The following ARHGAP19 variants were observed in gnomAD, a reference collection of about 807,000 sequenced individuals.
The protein encoded by ARHGAP19 is rho GTPase-activating protein 19.
Under a neutral mutation model 60.9 loss-of-function variants are expected in ARHGAP19, and 48 were observed. The ratio of observed to expected loss-of-function variants is 0.79; its 90% confidence interval spans 0.62 to 1.00. ARHGAP19 has a LOEUF of 1.00. Ranked by LOEUF, ARHGAP19 falls within the 50% of genes least tolerant of loss-of-function variation. The pLI, the probability that ARHGAP19 is intolerant of heterozygous loss-of-function variation, is 0.00. For synonymous variants in ARHGAP19, 209 were observed against 215.5 expected, an observed-to-expected ratio of 0.97 and a Z score of 0.27; for missense variants, 562 against 597.2, an observed-to-expected ratio of 0.94 and a Z score of 0.61.
Position 97,279,495 on chromosome 10 carries a change from T to TTCTG in ARHGAP19, c.56+13076_56+13077insCAGA, listed in dbSNP as rs1843057175. Reference sequence around the variant, plus strand: ...TTGCTTTTGTGTGTGTGTGTGTGCGTTTTGTTTGTTTGTTTGAGGCTGGGT... The same window carrying TTCTG: ...TTGCTTTTGTGTGTGTGTGTGTGCGTTCTGTTTGTTTGTTTGTTTGAGGCTGGGT... On this transcript the variant is annotated intron_variant, in intron 1 of 11. Coordinates refer to ENST00000358531, the MANE Select transcript of ARHGAP19 (RefSeq NM_032900.6). 4.6e-5 allele frequency among the ~76,000 whole-genome samples: 7 copies of TTCTG among 150,870 alleles called. No individual in the cohort carries two copies. The South Asian group carries it at 1.5e-3, about 32-fold the overall frequency.
chr10:97,225,840 G>A lies in ARHGAP19; in HGVS notation c.*282C>T. 2.5e-6 allele frequency: 1 copy of A among 400,046 alleles called. No individual in the cohort carries two copies. The highest frequency in any genetic ancestry group is 4.4e-6 in the Non-Finnish European group (1 of 224,970). The allele number at this position is 400,046 out of a possible 1,614,324, so 24.8% of individuals were successfully genotyped here. ...CTAAACACATTGAGTGAGCACTGAA[G>A]CCCACCTTAGTGTGCTGTATAAGCT... On this transcript the variant is annotated 3_prime_UTR_variant, in exon 12 of 12. Transcript: ENST00000358531.
chr10:97,264,736 T>C (rs1015214899), intron 3 of ARHGAP19, 90 bp downstream of exon 3: 9 of 868,880 alleles, frequency 1.0e-5, no homozygotes, highest in African/African-American at 1.7e-5. Context: ...TGATGGTTAA[T>C]TGGCACCTAC....
chr10:97,246,397 A>C, intron 6 of ARHGAP19, 60 bp from the exon 7 acceptor site: 1 of 1,319,412 alleles, frequency 7.6e-7, no homozygotes, highest in Non-Finnish European at 1.1e-6. Context: ...ACATTCTTTC[A>C]GGCCGCAAGG....
chr10:97,289,131 T>C (rs1350797347), intron 1 of ARHGAP19, among the ~76,000 whole-genome samples: 79 of 150,044 alleles, frequency 5.3e-4, no homozygotes, highest in Non-Finnish European at 9.3e-4. Flanking sequence ...TTTTTTTTTT[T>C]CGAAACGTAG....
Position 97,235,074 on chromosome 10 carries a change from T to C in ARHGAP19, c.1284+143A>G, listed in dbSNP as rs1458351503. 4.2e-6 allele frequency: 3 copies of C among 710,944 alleles called. No homozygotes were observed. In the African/African-American group the frequency reaches 5.4e-5, roughly 13 times the overall value. 44.0% of individuals were successfully genotyped at this position (710,944 alleles called of 1,614,324 possible). A position where few individuals can be genotyped will look rare whatever the true frequency, so the allele number is the denominator to read the frequency against. On this transcript the variant is annotated intron_variant, in intron 9 of 11. Transcript: ENST00000358531. ...AAGCACTTTGCAATATAAAAGCTTTTCAACATTTTGTCTTTACCCCCTTAT... is the reference window on the plus strand; with the variant it reads ...AAGCACTTTGCAATATAAAAGCTTTCCAACATTTTGTCTTTACCCCCTTAT...
intron 6 of ARHGAP19, among the ~76,000 whole-genome samples, chr10:97,251,848 A>G (rs1406551804): frequency 6.8e-6 from 1 of 147,712 alleles, no homozygotes; most frequent in East Asian, 2.0e-4. Flanking sequence ...AGCTGAAAAA[A>G]TATCCAGAAA....
chr10:97,270,476 T>C, intron 1 of ARHGAP19: 1 of 612,548 alleles, frequency 1.6e-6, no homozygotes, highest in Admixed American at 3.3e-5. Context: ...AGAAACATAT[T>C]TAAGAACTTA....
Position 97,263,492 on chromosome 10 carries a change from T to A in ARHGAP19, c.541A>T (p.Lys181Ter). Residue 181 changes from lysine to a stop codon, truncating the protein, a stop_gained, in exon 4 of 12, where the codon AAG becomes TAG. Coordinates refer to ENST00000358531, the MANE Select transcript of ARHGAP19 (RefSeq NM_032900.6). LOFTEE classifies it high-confidence loss of function. ...TCCGGCAACTCTCCTAGAAACATCT[T>A]CAGCAAAGTGGCAACATCATTTGAG... ...FHSNDVATLL[K>*]MFLGELPEPL... The A allele has an allele frequency of 6.2e-7, 1 of 1,614,154 alleles. No individual in the cohort carries two copies. Among genetic ancestry groups the A allele is most frequent in the Non-Finnish European group, 8.5e-7 (1 of 1,180,032 alleles).
At chr10:97,242,035 AAT>A (rs1216608294) in intron 8 of ARHGAP19, among the ~76,000 whole-genome samples, 42 of 148,858 alleles carry the variant, frequency 2.8e-4, no homozygotes, top group Middle Eastern at 3.5e-3. Flanking sequence ...TAATAATAAT[AAT>A]AATTAATAAA....
rs1483586633 is a variant in ARHGAP19, at chr10:97,231,004, CT to C, written c.1285-1131del. Among the ~76,000 whole-genome samples, 144 of 122,320 alleles carry C rather than the reference CT, an allele frequency of 1.2e-3. 1 individual carries two copies. The highest frequency in any genetic ancestry group is 1.6e-3 in the Admixed American group (14 of 8,780). The allele number at this position is 122,320 out of a possible 152,430, so 80.2% of individuals were successfully genotyped here. A position where few individuals can be genotyped will look rare whatever the true frequency, so the allele number is the denominator to read the frequency against. On this transcript the variant is annotated intron_variant, in intron 9 of 11. Coordinates refer to ENST00000358531, the MANE Select transcript of ARHGAP19 (RefSeq NM_032900.6). ...CCCAGGAAGTGGAAGTTGCAGTGAG[CT>C]GAGATCATGCCACTGCACTCCAGCC...
chr10:97,265,369 A>G (rs116076189), intron 2 of ARHGAP19: 138 of 176,864 alleles, frequency 7.8e-4, no homozygotes, highest in African/African-American at 3.1e-3. Context: ...GCATGGTGTC[A>G]TGCACCTGTA....
chr10:97,264,396 T>G (rs1270634729), intron 3 of ARHGAP19, among the ~76,000 whole-genome samples: 4 of 150,738 alleles, frequency 2.7e-5, no homozygotes, highest in Non-Finnish European at 2.9e-5. Context: ...AAGGCTGCAG[T>G]GAGCCAAGAT....
At chr10:97,280,942 TATG>T (rs1371511243) in intron 1 of ARHGAP19, among the ~76,000 whole-genome samples, 1 of 152,210 alleles carries the variant, frequency 6.6e-6, no homozygotes. Context: ...TACTTCTACG[TATG>T]ATCTGATTAG....
At chr10:97,245,644 A>G (rs539476636) in intron 7 of ARHGAP19, among the ~76,000 whole-genome samples, 1 of 151,756 alleles carries the variant, frequency 6.6e-6, no homozygotes, top group Non-Finnish European at 1.5e-5. Flanking sequence ...TGATCTTGTG[A>G]ATAAGCATTA....
At chr10:97,264,648 G>A (rs1051166618) in intron 3 of ARHGAP19, among the ~76,000 whole-genome samples, 178 bp downstream of exon 3, 56 of 152,080 alleles carry the variant, frequency 3.7e-4, no homozygotes, top group Non-Finnish European at 5.9e-5. Flanking sequence ...TAAAACAAAT[G>A]AATATATGAG....
At chr10:97,238,235 T>G (rs1042017376) in intron 8 of ARHGAP19, among the ~76,000 whole-genome samples, 2 of 152,172 alleles carry the variant, frequency 1.3e-5, no homozygotes, top group Admixed American at 1.3e-4. Context: ...AGACGGGGTC[T>G]CGCTCTGTTG....
chr10:97,224,026 CACA>C lies in ARHGAP19; in HGVS notation c.*2093_*2095del, dbSNP rs1353824797. ...CTCTCTCATGATCCTCACCCCAGAA[CACA>C]ACCTTTGCTTATGATTCCATTCACC... On this transcript the variant is annotated 3_prime_UTR_variant, in exon 12 of 12. Transcript: ENST00000358531. 6.6e-6 allele frequency: 1 copy of C among 152,340 alleles called. No individual in the cohort carries two copies. The highest frequency in any genetic ancestry group is 1.9e-4 in the East Asian group (1 of 5,190). The allele number at this position is 152,340 out of a possible 1,614,324, so 9.4% of individuals were successfully genotyped here.
chr10:97,259,639 A>C lies in ARHGAP19; in HGVS notation c.614-11T>G, dbSNP rs1842802023. 1 of 1,610,444 alleles carries C rather than the reference A, an allele frequency of 6.2e-7. No individual in the cohort carries two copies. Among genetic ancestry groups the C allele is most frequent in the African/African-American group, 1.3e-5 (1 of 74,842 alleles). Reference sequence around the variant, plus strand: ...CAAACTGCATCAAATCTTGAGGACAAAAGAGAATTTGCAAAGTGGGGAGAA... The same window carrying C: ...CAAACTGCATCAAATCTTGAGGACACAAGAGAATTTGCAAAGTGGGGAGAA... On this transcript the variant is annotated splice_polypyrimidine_tract_variant and intron_variant, in intron 4 of 11. Transcript: ENST00000358531.
At chr10:97,288,304 G>A (rs759068148) in intron 1 of ARHGAP19, among the ~76,000 whole-genome samples, 36 of 151,706 alleles carry the variant, frequency 2.4e-4, no homozygotes, top group Non-Finnish European at 4.9e-4. Flanking sequence ...CCCTGCAGCC[G>A]GGAGTGGTGG....
Sources: allele counts gnomAD v4.1 joint callset (sites outside exome capture counted in the v4.1 genomes callset), GRCh38; gene constraint gnomAD v4.1.1; transcripts MANE v1.5; gene names NCBI Gene and HGNC (gene_info 2026-07-23, HGNC 2026-07-21).